The following MSRA variants were observed in gnomAD, a reference collection of about 807,000 sequenced individuals.
MSRA encodes mitochondrial peptide methionine sulfoxide reductase.
Under a neutral mutation model 31.3 loss-of-function variants are expected in MSRA, and 54 were observed. The observed-to-expected ratio is 1.73, with a 90% CI of 1.39 to 2.17. The LOEUF is 2.17. MSRA is among the 30% of genes most tolerant of loss of function. The pLI is 0.00. For missense variants in MSRA, 507 were observed against 300.9 expected (o/e 1.69, Z -5.07); for synonymous variants, 169 against 116.5 (o/e 1.45, Z -2.90).
At chr8:10,126,644 A>G in intron 1 of MSRA, among the ~76,000 whole-genome samples, 1 of 152,024 alleles carries the variant, frequency 6.6e-6, no homozygotes, top group East Asian at 1.9e-4. Context: ...TCACAAGTAG[A>G]TGGGATTATA....
chr8:10,407,286 A>G (rs1293930444), intron 5 of MSRA, among the ~76,000 whole-genome samples: 3 of 152,306 alleles, frequency 2.0e-5, no homozygotes, highest in Admixed American at 1.3e-4. Flanking sequence ...TCAGACTTTC[A>G]TCAGCTCCCC....
intron 2 of MSRA, among the ~76,000 whole-genome samples, chr8:10,214,492 C>G (rs1184199311): frequency 6.6e-6 from 1 of 152,156 alleles, no homozygotes; most frequent in African/African-American, 2.4e-5. Flanking sequence ...TGGTGTCTCA[C>G]TGGCACATAT....
At chr8:10,137,689 T>G (rs1219338444) in intron 1 of MSRA, among the ~76,000 whole-genome samples, 1 of 152,156 alleles carries the variant, frequency 6.6e-6, no homozygotes. Context: ...TGGGACCTTG[T>G]GCACAAAGTG....
At chr8:10,322,867 G>T (rs551874483) in intron 5 of MSRA, among the ~76,000 whole-genome samples, 1 of 152,198 alleles carries the variant, frequency 6.6e-6, no homozygotes, top group South Asian at 2.1e-4. Flanking sequence ...TGAAGTGGGC[G>T]GATCATGAGG....
chr8:10,173,346 C>T (rs967484822), intron 1 of MSRA, among the ~76,000 whole-genome samples: 1 of 152,346 alleles, frequency 6.6e-6, no homozygotes, highest in African/African-American at 2.4e-5. Flanking sequence ...ATCAAGGAAT[C>T]GCTCTGGTGA....
At chr8:10,062,030 G>A (rs1797222641) in intron 1 of MSRA, among the ~76,000 whole-genome samples, 1 of 152,196 alleles carries the variant, frequency 6.6e-6, no homozygotes. Context: ...GGACAGCTGA[G>A]GCAAGGAGTG....
chr8:10,264,319 T>A (rs1300438672), intron 3 of MSRA, among the ~76,000 whole-genome samples: 1 of 152,254 alleles, frequency 6.6e-6, no homozygotes, highest in Non-Finnish European at 1.5e-5. Flanking sequence ...ATTAGGTCGT[T>A]TCTTTGATTG....
intron 5 of MSRA, among the ~76,000 whole-genome samples, chr8:10,358,541 T>C (rs1316401176): frequency 1.5e-5 from 2 of 137,696 alleles, no homozygotes; most frequent in African/African-American, 5.4e-5. Context: ...CCGCCTCCTG[T>C]CAGATCAGCG....
chr8:10,082,223 A>G (rs1335380504), intron 1 of MSRA, among the ~76,000 whole-genome samples: 1 of 152,096 alleles, frequency 6.6e-6, no homozygotes, highest in Non-Finnish European at 1.5e-5. Flanking sequence ...GAAAAAGCCA[A>G]ACAAACGAAA....
chr8:10,248,951 T>A (rs552633769), intron 3 of MSRA, among the ~76,000 whole-genome samples: 1 of 152,140 alleles, frequency 6.6e-6, no homozygotes, highest in South Asian at 2.1e-4. Context: ...GAGAGATTGG[T>A]TTCTGTGTCT....
chr8:10,138,143 G>C (rs1802428369), intron 1 of MSRA, among the ~76,000 whole-genome samples: 1 of 152,192 alleles, frequency 6.6e-6, no homozygotes. Flanking sequence ...GTGATGGGTG[G>C]TAAATTGGAG....
At chr8:10,135,727 A>T (rs1392505937) in intron 1 of MSRA, among the ~76,000 whole-genome samples, 7 of 152,212 alleles carry the variant, frequency 4.6e-5, no homozygotes, top group Non-Finnish European at 1.0e-4. Context: ...ATGGGCAAAG[A>T]GAGCCAAATA....
At chr8:10,311,620 T>G (rs1801438712) in intron 4 of MSRA, among the ~76,000 whole-genome samples, 1 of 152,188 alleles carries the variant, frequency 6.6e-6, no homozygotes, top group African/African-American at 2.4e-5. Context: ...TTAGAAAATT[T>G]AAAAATTTCT....
At chr8:10,138,921 C>G (rs920932763) in intron 1 of MSRA, among the ~76,000 whole-genome samples, 1 of 152,178 alleles carries the variant, frequency 6.6e-6, no homozygotes, top group Non-Finnish European at 1.5e-5. Context: ...ACAGGTGGCC[C>G]TAGAGCTCCT....
intron 1 of MSRA, among the ~76,000 whole-genome samples, chr8:10,151,556 A>G (rs1363264844): frequency 1.3e-5 from 2 of 152,178 alleles, no homozygotes; most frequent in Middle Eastern, 3.2e-3. Flanking sequence ...AGGCTGAGCC[A>G]GGAGAATGGT....
intron 1 of MSRA, among the ~76,000 whole-genome samples, chr8:10,097,858 C>T (rs906523516): frequency 6.6e-6 from 1 of 152,010 alleles, no homozygotes; most frequent in African/African-American, 2.4e-5. Flanking sequence ...CTACATTTTA[C>T]AGTGTATATT....
At chr8:10,188,199 T>G (rs938072154) in intron 1 of MSRA, among the ~76,000 whole-genome samples, 1 of 152,234 alleles carries the variant, frequency 6.6e-6, no homozygotes, top group African/African-American at 2.4e-5. Flanking sequence ...AAATGCACAT[T>G]GGTGTAATAC....
intron 5 of MSRA, among the ~76,000 whole-genome samples, chr8:10,344,579 A>C (rs1803652771): frequency 1.0e-5 from 1 of 99,682 alleles, no homozygotes; most frequent in African/African-American, 2.7e-5. Flanking sequence ...CGTCTCAAAA[A>C]AAAAAAAAAA....
chr8:10,180,447 T>C (rs192604205), intron 1 of MSRA, among the ~76,000 whole-genome samples: 3 of 152,100 alleles, frequency 2.0e-5, no homozygotes, highest in Non-Finnish European at 2.9e-5. Context: ...GTAGGAGTGA[T>C]TGATTAAATC....
Sources: gnomAD v4.1 joint callset for allele counts (sites outside exome capture counted in the v4.1 genomes callset) on GRCh38, gnomAD v4.1.1 for gene constraint, MANE v1.5 for transcripts, NCBI Gene and HGNC (gene_info 2026-07-23, HGNC 2026-07-21) for gene names.